The following TMEM132C variants were observed in gnomAD, a reference collection of about 807,000 sequenced individuals.
TMEM132C encodes protein phosphatase 1, regulatory subunit 152.
TMEM132C carries 29 observed loss-of-function variants against 61.4 expected under a neutral mutation model. That is an observed-to-expected ratio of 0.47 (90% CI 0.35 to 0.64). The LOEUF is 0.64. TMEM132C is among the 30% of genes least tolerant of loss of function. TMEM132C has a pLI of 0.00. For missense variants in TMEM132C, 1,408 were observed against 1,476.9 expected (o/e 0.95, Z 0.76); for synonymous variants, 656 against 633.1 (o/e 1.04, Z -0.54).
At position 128,670,359 on chromosome 12, in the gene TMEM132C, A is replaced by G. The variant is rs531713163; in HGVS notation, c.1449+799A>G. Among the ~76,000 whole-genome samples, 6 of 152,312 alleles carry G rather than the reference A, an allele frequency of 3.9e-5. 1 individual carries two copies. Among genetic ancestry groups the G allele is most frequent in the African/African-American group, 1.4e-4 (6 of 41,562 alleles). On this transcript the variant is annotated intron_variant, in intron 5 of 8. Coordinates refer to ENST00000435159, the MANE Select transcript of TMEM132C (RefSeq NM_001136103.3). Reference sequence around the variant, plus strand: ...TAACTAAATGTAGCATATTATACCAAAAAATTGCTTGAACATATTCCTTCT... The same window carrying G: ...TAACTAAATGTAGCATATTATACCAGAAAATTGCTTGAACATATTCCTTCT...
chr12:128,560,669 G>T (rs1874478188), intron 3 of TMEM132C, among the ~76,000 whole-genome samples: 1 of 152,160 alleles, frequency 6.6e-6, no homozygotes, highest in South Asian at 2.1e-4. Flanking sequence ...TTTCACCATG[G>T]CAGGGAAGTG....
At chr12:128,295,248 C>T (rs1004099555) in intron 1 of TMEM132C, among the ~76,000 whole-genome samples, 1 of 152,086 alleles carries the variant, frequency 6.6e-6, no homozygotes, top group African/African-American at 2.4e-5. Flanking sequence ...CACAACTCAC[C>T]GCAGCCTCGA....
chr12:128,694,071 C>T lies in TMEM132C; in HGVS notation c.1655+37C>T, dbSNP rs147402304. The T allele has an allele frequency of 2.6e-4, 395 of 1,543,290 alleles. 2 individuals are homozygous for T. In the African/African-American group the frequency reaches 4.1e-3, roughly 16 times the overall value. On this transcript the variant is annotated intron_variant, in intron 6 of 8. Coordinates refer to ENST00000435159, the MANE Select transcript of TMEM132C (RefSeq NM_001136103.3). ...ATGGGGAGATGCCCTAGAGCCAAAACAACAACTTTATTTACTGACCTTAAC... is the reference window on the plus strand; with the variant it reads ...ATGGGGAGATGCCCTAGAGCCAAAATAACAACTTTATTTACTGACCTTAAC...
intron 2 of TMEM132C, among the ~76,000 whole-genome samples, chr12:128,510,169 C>T (rs772523656): frequency 6.6e-6 from 1 of 152,168 alleles, no homozygotes; most frequent in Non-Finnish European, 1.5e-5. Flanking sequence ...GGTTTGCTTT[C>T]TTCTTTCTTT....
At chr12:128,299,998 C>G (rs1193366) in intron 1 of TMEM132C, among the ~76,000 whole-genome samples, 141,173 of 152,288 alleles carry the variant, frequency 0.93, 65,930 homozygotes, top group South Asian at 0.98. Flanking sequence ...ACACAGTCGG[C>G]CAGTGTTCAA....
intron 2 of TMEM132C, among the ~76,000 whole-genome samples, chr12:128,495,720 G>T (rs1414455314): frequency 1.3e-5 from 2 of 152,018 alleles, no homozygotes; most frequent in African/African-American, 2.4e-5. Flanking sequence ...TTGAGCCTAT[G>T]TGTGTCTCTG....
At chr12:128,284,195 A>G (rs979933079) in intron 1 of TMEM132C, among the ~76,000 whole-genome samples, 12 of 152,098 alleles carry the variant, frequency 7.9e-5, no homozygotes, top group African/African-American at 2.9e-4. Flanking sequence ...TAACAAGTCT[A>G]CTCTTACATA....
At chr12:128,275,568 G>A (rs1206652398) in intron 1 of TMEM132C, among the ~76,000 whole-genome samples, 1 of 152,022 alleles carries the variant, frequency 6.6e-6, no homozygotes, top group Non-Finnish European at 1.5e-5. Context: ...GAGATAAAAT[G>A]CACAATAAAT....
intron 4 of TMEM132C, among the ~76,000 whole-genome samples, chr12:128,664,643 G>C (rs1246053355): frequency 6.6e-6 from 1 of 152,188 alleles, no homozygotes; most frequent in African/African-American, 2.4e-5. Context: ...CAGGAAGCAG[G>C]CTGCCTTCTG....
At chr12:128,487,696 A>G (rs1871553403) in intron 2 of TMEM132C, among the ~76,000 whole-genome samples, 1 of 151,552 alleles carries the variant, frequency 6.6e-6, no homozygotes, top group Middle Eastern at 3.2e-3. Flanking sequence ...TGCCCCATGT[A>G]ATCAGTTTCA....
intron 2 of TMEM132C, among the ~76,000 whole-genome samples, chr12:128,422,533 C>T (rs148549092): frequency 4.6e-5 from 7 of 152,266 alleles, no homozygotes; most frequent in African/African-American, 1.4e-4. Flanking sequence ...ATTCCAAACC[C>T]TGCATTAGGG....
intron 2 of TMEM132C, among the ~76,000 whole-genome samples, chr12:128,419,596 A>G (rs1036674939): frequency 6.7e-6 from 1 of 149,798 alleles, no homozygotes; most frequent in African/African-American, 2.5e-5. Context: ...TTTTTTGGCG[A>G]AAGGAAAGAC....
Position 128,414,785 on chromosome 12 carries a change from C to G in TMEM132C, c.139C>G (p.Pro47Ala), listed in dbSNP as rs765415062. 1 of 1,540,190 alleles carries G rather than the reference C, an allele frequency of 6.5e-7. No homozygotes were observed. Among genetic ancestry groups the G allele is most frequent in the Non-Finnish European group, 8.7e-7 (1 of 1,146,816 alleles). Reference sequence around the variant, plus strand: ...CATACAGAGATTCTCCTCACTGCCACCTTACCTACCTGTGAGCTACCACAT... The same window carrying G: ...CATACAGAGATTCTCCTCACTGCCAGCTTACCTACCTGTGAGCTACCACAT... ...DNIQRFSSLPPYLPVSYHILR... is the reference protein window; with the variant it reads ...DNIQRFSSLPAYLPVSYHILR... Residue 47 changes from proline (P) to alanine (A), a missense_variant, in exon 2 of 9, where the codon CCT becomes GCT. Transcript: ENST00000435159.
intron 3 of TMEM132C, among the ~76,000 whole-genome samples, chr12:128,549,558 C>T (rs1874085277): frequency 6.6e-6 from 1 of 152,120 alleles, no homozygotes. Context: ...TGGTACTTGC[C>T]AGCTACCATG....
chr12:128,498,157 A>G (rs1872033426), intron 2 of TMEM132C, among the ~76,000 whole-genome samples: 1 of 152,094 alleles, frequency 6.6e-6, no homozygotes, highest in African/African-American at 2.4e-5. Flanking sequence ...TATGTTCTCC[A>G]TAAAGGAGAC....
In TMEM132C at chr12:128,705,924, G is replaced by T. The variant is rs915673605; in HGVS notation, c.2956G>T (p.Asp986Tyr). The change falls in exon 9 of 9, where the codon GAT becomes TAT. Residue 986 changes from aspartate to tyrosine, a missense_variant. Coordinates refer to ENST00000435159, the MANE Select transcript of TMEM132C (RefSeq NM_001136103.3). The part of the protein sequence containing the change: ...NEAELLESMG[D>Y]APPPQDEHTT... ...GGCCGAACTCCTGGAGAGCATGGGG[G>T]ATGCGCCGCCGCCCCAGGACGAGCA... 6.4e-7 allele frequency: 1 copy of T among 1,551,434 alleles called. No individual in the cohort carries two copies. Among genetic ancestry groups the T allele is most frequent in the Admixed American group, 2.0e-5 (1 of 50,996 alleles).
chr12:128,567,782 G>A (rs956994521), intron 3 of TMEM132C, among the ~76,000 whole-genome samples: 4 of 152,206 alleles, frequency 2.6e-5, no homozygotes, highest in Admixed American at 2.0e-4. Context: ...AAGCAGCTCT[G>A]TTCCTGTGGC....
intron 3 of TMEM132C, among the ~76,000 whole-genome samples, chr12:128,597,335 G>A (rs528619704): frequency 2.8e-4 from 42 of 151,980 alleles, no homozygotes; most frequent in Admixed American, 8.5e-4. Flanking sequence ...AAAATTAACC[G>A]GGTATGGTGG....
At chr12:128,436,963 G>T (rs1283527532) in intron 2 of TMEM132C, among the ~76,000 whole-genome samples, 1 of 152,298 alleles carries the variant, frequency 6.6e-6, no homozygotes, top group Admixed American at 6.5e-5. Context: ...ATACTATGCA[G>T]CCATAAAAAA....
Sources: gnomAD v4.1 joint callset for allele counts (sites outside exome capture counted in the v4.1 genomes callset) on GRCh38, gnomAD v4.1.1 for gene constraint, MANE v1.5 for transcripts, NCBI Gene and HGNC (gene_info 2026-07-23, HGNC 2026-07-21) for gene names.